Variants in INA observed in about 807,000 individuals in gnomAD.
INA encodes alpha-internexin.
Under a neutral mutation model 40.1 loss-of-function variants are expected in INA, and 35 were observed. The observed-to-expected ratio is 0.87, with a 90% CI of 0.67 to 1.16. The LOEUF is 1.16. INA is among the 50% of genes most tolerant of loss of function. The pLI is 0.00. For synonymous variants in INA, 290 were observed against 316.9 expected, an observed-to-expected ratio of 0.92 and a Z score of 0.90; for missense variants, 594 against 686.7, an observed-to-expected ratio of 0.87 and a Z score of 1.51.
chr10:103,283,325 T>TA (rs35214096), intron 1 of INA, among the ~76,000 whole-genome samples: 4 of 152,250 alleles, frequency 2.6e-5, no homozygotes, highest in Non-Finnish European at 5.9e-5. Context: ...TGTCAGTAGC[T>TA]AGAGGGTCTA....
intron 1 of INA, chr10:103,281,044 TTC>T (rs1278408857): frequency 4.4e-6 from 2 of 452,326 alleles, no homozygotes; most frequent in African/African-American, 4.3e-5. Flanking sequence ...AAGCCAAGTC[TTC>T]TCTTTTTTCT....
At chr10:103,282,742 TA>T (rs34821970) in intron 1 of INA, among the ~76,000 whole-genome samples, 36 of 144,540 alleles carry the variant, frequency 2.5e-4, no homozygotes, top group South Asian at 1.3e-3. Context: ...AAATTGTTAT[TA>T]AAAAAAAAAA....
Position 103,288,751 on chromosome 10 carries a change from C to A in INA, c.*82C>A. 1 of 794,814 alleles carries A rather than the reference C, an allele frequency of 1.3e-6. No individual in the cohort carries two copies. Among genetic ancestry groups the A allele is most frequent in the Non-Finnish European group, 2.0e-6 (1 of 497,544 alleles). 49.2% of individuals were successfully genotyped at this position (794,814 alleles called of 1,614,324 possible). On this transcript the variant is annotated 3_prime_UTR_variant, in exon 3 of 3. Coordinates refer to ENST00000369849, the MANE Select transcript of INA (RefSeq NM_032727.4). ...TAAACAGCCTATTCCTGAACTATAA[C>A]ACCTGCCACCACTATAAAATGTCTT...
chr10:103,277,772 C>A lies in INA; in HGVS notation c.561C>A (p.Arg187=). 6.7e-7 allele frequency: 1 copy of A among 1,486,680 alleles called. No individual in the cohort carries two copies. The allele number at this position is 1,486,680 out of a possible 1,614,324, so 92.1% of individuals were successfully genotyped here. Residue 187 remains arginine (R), a synonymous_variant, in exon 1 of 3, where the codon CGC becomes CGA. Coordinates refer to ENST00000369849, the MANE Select transcript of INA (RefSeq NM_032727.4). This position sits in a 1 kb window ranked among gnomAD's most constrained non-coding sequence, Gnocchi z 5.6. The part of the protein sequence containing the change: ...RLRARCEEES[R]GREGAERALK... ...GGGCGCGCTGCGAGGAGGAGAGCCG[C>A]GGACGCGAAGGCGCCGAGCGCGCCC...
At chr10:103,287,506 G>A (rs1316389391) in intron 2 of INA, among the ~76,000 whole-genome samples, 2 of 152,062 alleles carry the variant, frequency 1.3e-5, no homozygotes, top group Non-Finnish European at 2.9e-5. Flanking sequence ...AGGCCAAGGT[G>A]GGTGGATCAC....
intron 1 of INA, chr10:103,280,642 T>G: frequency 5.1e-6 from 5 of 985,432 alleles, no homozygotes; most frequent in Non-Finnish European, 6.0e-6. Context: ...TGATAGCCTA[T>G]TTAAGGAGAG....
At position 103,289,361 on chromosome 10, in the gene INA, A is replaced by G. The variant is rs1044986127; in HGVS notation, c.*692A>G. 1 of 152,598 alleles carries G rather than the reference A, an allele frequency of 6.6e-6. No individual in the cohort carries two copies. The highest frequency in any genetic ancestry group is 2.4e-5 in the African/African-American group (1 of 41,432). 9.5% of individuals were successfully genotyped at this position (152,598 alleles called of 1,614,324 possible). ...GTAATTACTTATCCCTGCCCATTTC[A>G]TATTCTTTCAATTCTGTAGGTTAAA... is the stretch of plus-strand genomic sequence containing the variant. On this transcript the variant is annotated 3_prime_UTR_variant, in exon 3 of 3. Coordinates refer to ENST00000369849, the MANE Select transcript of INA (RefSeq NM_032727.4).
Position 103,277,904 on chromosome 10 carries a change from C to A in INA, c.693C>A (p.His231Gln), listed in dbSNP as rs1487833128. 1.3e-6 allele frequency: 2 copies of A among 1,550,570 alleles called. No individual in the cohort carries two copies. The highest frequency in any genetic ancestry group is 4.9e-5 in the East Asian group (2 of 40,926). The change falls in exon 1 of 3, where the codon CAC (histidine) becomes CAA (glutamine). Residue 231 changes from histidine to glutamine, a missense_variant. Coordinates refer to ENST00000369849, the MANE Select transcript of INA (RefSeq NM_032727.4). This position sits in a 1 kb window ranked among gnomAD's most constrained non-coding sequence, Gnocchi z 5.6. ...LDELAFVRQVHDEEVAELLAT... is the reference protein window; with the variant it reads ...LDELAFVRQVQDEEVAELLAT... ...AGCTGGCCTTCGTACGCCAGGTGCA[C>A]GACGAGGAGGTAGCCGAGCTGCTGG...
intron 1 of INA, among the ~76,000 whole-genome samples, 200 bp from the exon 2 acceptor site, chr10:103,286,835 G>GA (rs1288592794): frequency 2.0e-5 from 3 of 152,046 alleles, no homozygotes; most frequent in Non-Finnish European, 2.9e-5. Context: ...GGACCTTTAT[G>GA]AAAAAAATGC....
chr10:103,277,905 G>C lies in INA; in HGVS notation c.694G>C (p.Asp232His). The part of the protein sequence containing the change: ...DELAFVRQVH[D>H]EEVAELLATL... The stretch of plus-strand genomic sequence containing the variant: ...GCTGGCCTTCGTACGCCAGGTGCAC[G>C]ACGAGGAGGTAGCCGAGCTGCTGGC... Residue 232 changes from aspartate (D) to histidine (H), a missense_variant, in exon 1 of 3, where the codon GAC becomes CAC. Transcript: ENST00000369849. The surrounding 1 kb of genome is among the most constrained non-coding windows in gnomAD (Gnocchi z 5.6). 2 of 1,550,772 alleles carry C rather than the reference G, an allele frequency of 1.3e-6. No individual in the cohort carries two copies. The highest frequency in any genetic ancestry group is 1.7e-6 in the Non-Finnish European group (2 of 1,147,038).
At chr10:103,280,245 G>A in intron 1 of INA, 1 of 985,434 alleles carries the variant, frequency 1.0e-6, no homozygotes, top group Non-Finnish European at 1.2e-6. Context: ...TGAGCCTTTA[G>A]AGCCACAGAG....
intron 1 of INA, among the ~76,000 whole-genome samples, chr10:103,285,036 T>C (rs1429865836): frequency 6.6e-6 from 1 of 152,066 alleles, no homozygotes; most frequent in East Asian, 1.9e-4. Context: ...CAGGCTGGAG[T>C]GCAATGGCAC....
At chr10:103,281,111 T>A (rs1171862544) in intron 1 of INA, among the ~76,000 whole-genome samples, 1 of 152,206 alleles carries the variant, frequency 6.6e-6, no homozygotes, top group Non-Finnish European at 1.5e-5. Context: ...GCTGGCCCCT[T>A]GGAGACTGGA....
rs754148970 is a variant in INA at position 103,277,426 on chromosome 10, C to T, written c.215C>T (p.Ser72Phe). 45 of 1,563,228 alleles carry T rather than the reference C, an allele frequency of 2.9e-5. No individual in the cohort carries two copies. Among genetic ancestry groups the T allele is most frequent in the African/African-American group, 5.7e-5 (4 of 70,488 alleles). ...CTGGCCTATCGCCGGCCGCCGGCGT[C>T]CGACGGGCTGGACCTGAGCCAGGCG... ...LGLAYRRPPA[S>F]DGLDLSQAAA... The change falls in exon 1 of 3, where the codon TCC becomes TTC. Residue 72 changes from serine to phenylalanine, a missense_variant. Coordinates refer to ENST00000369849, the MANE Select transcript of INA (RefSeq NM_032727.4). This position sits in a 1 kb window ranked among gnomAD's most constrained non-coding sequence, Gnocchi z 5.6.
chr10:103,288,668 A>G lies in INA; in HGVS notation c.1499A>G (p.Ter500=), dbSNP rs761929278. The change falls in exon 3 of 3, where the codon TAA becomes TGA. Residue 500 remains the stop codon, a stop_retained_variant. Coordinates refer to ENST00000369849, the MANE Select transcript of INA (RefSeq NM_032727.4). ...EETTISSQKI[*] The stretch of plus-strand genomic sequence containing the variant: ...ACCACCATTTCAAGCCAAAAAATAT[A>G]ATTCCATTGCTTTGAAAAAGTTAAT... 5.8e-6 allele frequency: 9 copies of G among 1,557,004 alleles called. No homozygotes were observed. Among genetic ancestry groups the G allele is most frequent in the Non-Finnish European group, 7.8e-6 (9 of 1,152,642 alleles).
Position 103,278,327 on chromosome 10 carries a change from G to A in INA, c.1065+51G>A. On this transcript the variant is annotated intron_variant, in intron 1 of 2. Transcript: ENST00000369849. The surrounding 1 kb of genome is among the most constrained non-coding windows in gnomAD (Gnocchi z 4.9). The stretch of plus-strand genomic sequence containing the variant: ...AGGGGTGCCCTGCCCTCTTCCGCGC[G>A]TACCCTCTTCCTCTGGTAAAACTGG... 1.5e-6 allele frequency: 2 copies of A among 1,377,378 alleles called. No homozygotes were observed. Among genetic ancestry groups the A allele is most frequent in the Non-Finnish European group, 2.0e-6 (2 of 1,019,758 alleles). 85.3% of individuals were successfully genotyped at this position (1,377,378 alleles called of 1,614,324 possible).
intron 1 of INA, among the ~76,000 whole-genome samples, chr10:103,284,853 G>A (rs2093081705): frequency 6.6e-6 from 1 of 152,144 alleles, no homozygotes; most frequent in African/African-American, 2.4e-5. Flanking sequence ...TTTGCACAAG[G>A]TTCCTGCATG....
rs2093066039 is a variant in INA at position 103,278,469 on chromosome 10, T to G, written c.1065+193T>G. On this transcript the variant is annotated intron_variant, in intron 1 of 2. Transcript: ENST00000369849. This position sits in a 1 kb window ranked among gnomAD's most constrained non-coding sequence, Gnocchi z 4.9. ...AATTTTAGGGAACGCCCCTCATTTA[T>G]GTCCCTGCCCCAGCCCTTCAAACAA... 1.3e-5 allele frequency among the ~76,000 whole-genome samples: 2 copies of G among 152,244 alleles called. No individual in the cohort carries two copies. The highest frequency in any genetic ancestry group is 4.8e-5 in the African/African-American group (2 of 41,460).
chr10:103,278,117 C>G lies in INA; in HGVS notation c.906C>G (p.Thr302=). The G allele has an allele frequency of 6.2e-7, 1 of 1,613,030 alleles. No homozygotes were observed. The highest frequency in any genetic ancestry group is 1.7e-4 in the Middle Eastern group (1 of 6,060). The change falls in exon 1 of 3, where the codon ACC becomes ACG. Residue 302 remains threonine, a synonymous_variant. Transcript: ENST00000369849. This position sits in a 1 kb window ranked among gnomAD's most constrained non-coding sequence, Gnocchi z 4.9. ...ANLNEQAARS[T]EAIRASREEI... is the part of the protein sequence containing the mutation. The stretch of plus-strand genomic sequence containing the variant: ...TGAACGAGCAGGCGGCGCGCAGCAC[C>G]GAGGCCATCCGGGCCAGCCGCGAGG...
Sources: allele counts gnomAD v4.1 joint callset (sites outside exome capture counted in the v4.1 genomes callset), GRCh38; gene constraint gnomAD v4.1.1; non-coding constraint Gnocchi (gnomAD v3.1); transcripts MANE v1.5; gene names NCBI Gene and HGNC (gene_info 2026-07-23, HGNC 2026-07-21).